MCC: variants seen among roughly 807,000 people sequenced by gnomAD.
The protein encoded by MCC is MCC regulator of Wnt signaling pathway, also known as colorectal mutant cancer protein.
MCC carries 90 observed loss-of-function variants against 116.2 expected under a neutral mutation model. The ratio of observed to expected loss-of-function variants is 0.77; its 90% CI spans 0.65 to 0.92. The LOEUF (loss-of-function observed/expected upper bound fraction) is 0.92, where lower values mean the gene tolerates loss of function less well. Among genes scored for constraint, MCC ranks in the 40% least tolerant of loss-of-function variants. The pLI, the probability that MCC is intolerant of heterozygous loss-of-function variation, is 0.00. For synonymous variants in MCC, 578 were observed against 510.5 expected, an observed-to-expected ratio of 1.13 and a Z score of -1.78; for missense variants, 1,516 against 1,312.2, an observed-to-expected ratio of 1.16 and a Z score of -2.40.
chr5:113,467,516 G>T (rs1044239771), intron 1 of MCC, among the ~76,000 whole-genome samples: 8 of 152,218 alleles, frequency 5.3e-5, no homozygotes, highest in African/African-American at 1.9e-4. Context: ...TTATTTCTGA[G>T]GGCTCTGTTC....
At chr5:113,327,585 T>TATATATATATAA (rs1554076401) in intron 3 of MCC, among the ~76,000 whole-genome samples, 6 of 119,432 alleles carry the variant, frequency 5.0e-5, no homozygotes, top group African/African-American at 2.0e-4. Flanking sequence ...TATATATATA[T>TATATATATATAA]AAAAATCTCA....
chr5:113,104,167 C>T (rs757626467), intron 7 of MCC, 25 bp downstream of exon 7: 1 of 1,577,154 alleles, frequency 6.3e-7, no homozygotes, highest in East Asian at 2.3e-5. Context: ...CTCAAAGGGC[C>T]TCACAGAGGG....
intron 16 of MCC, among the ~76,000 whole-genome samples, chr5:113,045,826 G>A (rs897349889): frequency 5.0e-5 from 7 of 140,370 alleles, no homozygotes; most frequent in Non-Finnish European, 7.8e-5. Flanking sequence ...ATTAAATAAA[G>A]TGCTACTAGA....
At chr5:113,066,969 G>T (rs963001789) in intron 13 of MCC, among the ~76,000 whole-genome samples, 1 of 152,188 alleles carries the variant, frequency 6.6e-6, no homozygotes, top group Non-Finnish European at 1.5e-5. Flanking sequence ...GTTCTGCATG[G>T]AGAGACGGCC....
chr5:113,027,171 T>C lies in MCC; in HGVS notation c.*131A>G. ...CCAAGGGTTGAGTTGGGGCACTCCA[T>C]TGTCCAAGTGCCGACCTACCTGCCA... is the stretch of plus-strand genomic sequence containing the variant. On this transcript the variant is annotated 3_prime_UTR_variant, in exon 19 of 19. Transcript: ENST00000408903. 6 of 894,768 alleles carry C rather than the reference T, an allele frequency of 6.7e-6. No individual in the cohort carries two copies. The highest frequency in any genetic ancestry group is 5.2e-5 in the South Asian group (3 of 57,498). 55.4% of individuals were successfully genotyped at this position (894,768 alleles called of 1,614,324 possible). A position where few individuals can be genotyped will look rare whatever the true frequency, so the allele number is the denominator to read the frequency against.
chr5:113,416,993 C>G (rs1485227687), intron 1 of MCC, among the ~76,000 whole-genome samples: 1 of 121,718 alleles, frequency 8.2e-6, no homozygotes, highest in African/African-American at 3.2e-5. Context: ...TTTTTTGAGA[C>G]GGAGTCTTGC....
intron 2 of MCC, among the ~76,000 whole-genome samples, chr5:113,383,016 T>C (rs973845332): frequency 3.3e-5 from 5 of 152,204 alleles, no homozygotes; most frequent in Non-Finnish European, 7.3e-5. Flanking sequence ...GGGTATTGTT[T>C]TTCAATCCTT....
intron 4 of MCC, among the ~76,000 whole-genome samples, chr5:113,147,907 G>A (rs2416305): frequency 0.62 from 93,701 of 152,064 alleles, 29,440 homozygotes; most frequent in East Asian, 0.73. Context: ...TTCACTTAAG[G>A]AAAACTGTGT....
In MCC at chr5:113,434,364, T is replaced by G. The variant is rs745987204; in HGVS notation, c.171-49152A>C. The G allele has an allele frequency of 2.5e-6, 4 of 1,613,770 alleles. No individual in the cohort carries two copies. In the African/African-American group the frequency reaches 4.0e-5, roughly 16 times the overall value. On this transcript the variant is annotated intron_variant, in intron 1 of 18. Transcript: ENST00000408903. The surrounding 1 kb of genome is among the most constrained non-coding windows in gnomAD (Gnocchi z 4.2). ...ACCACTGTCATCCCGCAGGCAGCGC[T>G]TGGAGAAGCTGAAGTCGGACAGCTT...
intron 8 of MCC, among the ~76,000 whole-genome samples, chr5:113,098,378 G>T (rs528975120): frequency 6.6e-6 from 1 of 152,112 alleles, no homozygotes; most frequent in African/African-American, 2.4e-5. Context: ...TTGAAGCCAG[G>T]GACTGTGTCC....
intron 6 of MCC, among the ~76,000 whole-genome samples, chr5:113,105,477 A>C (rs910504535): frequency 2.6e-5 from 4 of 152,200 alleles, no homozygotes; most frequent in Admixed American, 2.6e-4. Flanking sequence ...CTTTCACTCC[A>C]ACCAATACAC....
At chr5:113,352,415 A>G (rs1292693335) in intron 2 of MCC, among the ~76,000 whole-genome samples, 1 of 151,978 alleles carries the variant, frequency 6.6e-6, no homozygotes, top group African/African-American at 2.4e-5. Context: ...AAGGCTTACT[A>G]TCTTCCCATA....
At chr5:113,401,062 G>A (rs1769671419) in intron 1 of MCC, among the ~76,000 whole-genome samples, 1 of 152,120 alleles carries the variant, frequency 6.6e-6, no homozygotes, top group Non-Finnish European at 1.5e-5. Context: ...AGGTTTTGGG[G>A]CAATAAAATT....
At chr5:113,039,169 G>C (rs375966875) in intron 17 of MCC, among the ~76,000 whole-genome samples, 100 of 152,272 alleles carry the variant, frequency 6.6e-4, no homozygotes, top group African/African-American at 2.4e-3. Flanking sequence ...CCTACTTCCT[G>C]CCTCCCAGCA....
intron 3 of MCC, among the ~76,000 whole-genome samples, chr5:113,173,244 C>T (rs1475302974): frequency 6.6e-6 from 1 of 152,150 alleles, no homozygotes; most frequent in Non-Finnish European, 1.5e-5. Context: ...TAGCTACCAA[C>T]ATTTTCTTCA....
In MCC at chr5:113,024,626, ATAAAT is replaced by A. The variant is rs888467429; in HGVS notation, c.*2671_*2675del. On this transcript the variant is annotated 3_prime_UTR_variant, in exon 19 of 19. Coordinates refer to ENST00000408903, the MANE Select transcript of MCC (RefSeq NM_001085377.2). ...GAAATCTGAAGGTTTTTAACCTCAT[ATAAAT>A]TAGAATCAAGATCATTGTTTACCCT... 1.3e-5 allele frequency: 2 copies of A among 152,226 alleles called. No individual in the cohort carries two copies. The highest frequency in any genetic ancestry group is 4.8e-5 in the African/African-American group (2 of 41,464). 9.4% of individuals were successfully genotyped at this position (152,226 alleles called of 1,614,324 possible). A position where few individuals can be genotyped will look rare whatever the true frequency, so the allele number is the denominator to read the frequency against.
chr5:113,424,185 A>ACACACACACAC, intron 1 of MCC, among the ~76,000 whole-genome samples: 3 of 140,494 alleles, frequency 2.1e-5, no homozygotes, highest in Non-Finnish European at 3.1e-5. Flanking sequence ...ACACACACAC[A>ACACACACACAC]TTCTAATCAG....
At chr5:113,460,315 G>C (rs148798556) in intron 1 of MCC, among the ~76,000 whole-genome samples, 18 of 152,130 alleles carry the variant, frequency 1.2e-4, no homozygotes, top group African/African-American at 3.9e-4. Context: ...GCACCTTTTC[G>C]GTGGGGATTT....
chr5:113,256,848 A>AT (rs748151532), intron 3 of MCC, among the ~76,000 whole-genome samples: 15 of 152,280 alleles, frequency 9.9e-5, no homozygotes, highest in Non-Finnish European at 1.5e-4. Flanking sequence ...TTTCCACACC[A>AT]TATCAGATTT....
Sources: allele counts gnomAD v4.1 joint callset (sites outside exome capture counted in the v4.1 genomes callset), GRCh38; gene constraint gnomAD v4.1.1; non-coding constraint Gnocchi (gnomAD v3.1); transcripts MANE v1.5; gene names NCBI Gene and HGNC (gene_info 2026-07-23, HGNC 2026-07-21).